Variants in CLSTN2 observed in about 807,000 individuals in gnomAD.
CLSTN2 encodes calsyntenin 2, also known as calsyntenin-2.
A neutral mutation model predicts 101.2 loss-of-function variants in CLSTN2; 48 were observed. The observed-to-expected ratio is 0.47, with a 90% CI of 0.38 to 0.60. The LOEUF is 0.60. Among genes scored for constraint, CLSTN2 ranks in the 20% least tolerant of loss-of-function variants. The probability of loss-of-function intolerance (pLI) is 0.00; values close to 1 mark genes in which losing one functional copy is unlikely to be tolerated. For synonymous variants in CLSTN2, 481 were observed against 463.6 expected (o/e 1.04, Z -0.48); for missense variants, 1,160 against 1,238.2 (o/e 0.94, Z 0.95).
At chr3:139,982,571 T>C (rs924394272) in intron 1 of CLSTN2, among the ~76,000 whole-genome samples, 5 of 152,188 alleles carry the variant, frequency 3.3e-5, no homozygotes, top group South Asian at 2.1e-4. Flanking sequence ...GAGAAAGCGA[T>C]GTATGGCAAC....
At chr3:140,239,768 A>G (rs1250612363) in intron 2 of CLSTN2, among the ~76,000 whole-genome samples, 2 of 152,154 alleles carry the variant, frequency 1.3e-5, no homozygotes, top group East Asian at 1.9e-4. Flanking sequence ...CGTCATGACT[A>G]TAGCCAGGCC....
chr3:140,365,186 G>A lies in CLSTN2; in HGVS notation c.233-38443G>A, dbSNP rs370008860. 2.9e-4 allele frequency among the ~76,000 whole-genome samples: 44 copies of A among 152,190 alleles called. No individual in the cohort carries two copies. The South Asian group carries it at 7.5e-3, about 26-fold the overall frequency. On this transcript the variant is annotated intron_variant, in intron 2 of 16. Coordinates refer to ENST00000458420, the MANE Select transcript of CLSTN2 (RefSeq NM_022131.3). Reference sequence around the variant, plus strand: ...TAGGGAGAGCAAGGAAATTGCTGCCGGACTAATATTTCATGGAAGGAACTA... The same window carrying A: ...TAGGGAGAGCAAGGAAATTGCTGCCAGACTAATATTTCATGGAAGGAACTA...
At chr3:140,565,842 T>C (rs951020420) in intron 16 of CLSTN2, among the ~76,000 whole-genome samples, 1 of 152,254 alleles carries the variant, frequency 6.6e-6, no homozygotes, top group East Asian at 1.9e-4. Flanking sequence ...TGGAATTTGC[T>C]ATTTCAGGCT....
intron 8 of CLSTN2, among the ~76,000 whole-genome samples, chr3:140,513,055 G>A (rs890479221): frequency 6.6e-6 from 1 of 152,184 alleles, no homozygotes; most frequent in Non-Finnish European, 1.5e-5. Context: ...CATGTCATCT[G>A]CAAGCAAAGA....
intron 1 of CLSTN2, among the ~76,000 whole-genome samples, chr3:140,140,705 T>C (rs1223302242): frequency 6.6e-6 from 1 of 152,212 alleles, no homozygotes; most frequent in Non-Finnish European, 1.5e-5. Context: ...AAATAGTTTG[T>C]TGTTTTATTT....
chr3:140,498,506 C>G (rs1172405314), intron 8 of CLSTN2, among the ~76,000 whole-genome samples: 2 of 152,170 alleles, frequency 1.3e-5, no homozygotes, highest in East Asian at 3.8e-4. Flanking sequence ...CAGAGGGGAG[C>G]CCAGAGACAT....
chr3:140,085,842 G>T (rs1175300675), intron 1 of CLSTN2, among the ~76,000 whole-genome samples: 1 of 152,116 alleles, frequency 6.6e-6, no homozygotes, highest in African/African-American at 2.4e-5. Context: ...CAAAACTATG[G>T]TGTGACATAG....
chr3:140,260,534 G>A (rs1412982510), intron 2 of CLSTN2, among the ~76,000 whole-genome samples: 1 of 150,898 alleles, frequency 6.6e-6, no homozygotes, highest in Non-Finnish European at 1.5e-5. Flanking sequence ...AAATTACATT[G>A]ATTTAGACTT....
intron 1 of CLSTN2, among the ~76,000 whole-genome samples, chr3:140,097,258 G>A (rs935682685): frequency 2.0e-5 from 3 of 152,154 alleles, no homozygotes; most frequent in Non-Finnish European, 2.9e-5. Flanking sequence ...GAAGATCACA[G>A]AATGGAAGTA....
chr3:140,511,103 AG>A (rs1934804736), intron 8 of CLSTN2, among the ~76,000 whole-genome samples: 1 of 152,192 alleles, frequency 6.6e-6, no homozygotes, highest in Non-Finnish European at 1.5e-5. Context: ...CTTATAAGTG[AG>A]AACATGTGGT....
At chr3:139,967,848 G>A (rs560993403) in intron 1 of CLSTN2, among the ~76,000 whole-genome samples, 2 of 152,224 alleles carry the variant, frequency 1.3e-5, no homozygotes, top group Non-Finnish European at 2.9e-5. Context: ...TAAACATGAT[G>A]TGCAGGCAGA....
At chr3:139,940,469 G>T (rs569582490) in intron 1 of CLSTN2, among the ~76,000 whole-genome samples, 2 of 152,094 alleles carry the variant, frequency 1.3e-5, no homozygotes, top group Non-Finnish European at 2.9e-5. Context: ...CATGTAAAAT[G>T]CACTAAATAT....
intron 2 of CLSTN2, among the ~76,000 whole-genome samples, chr3:140,294,555 C>T (rs572634188): frequency 6.6e-6 from 1 of 151,746 alleles, no homozygotes; most frequent in South Asian, 2.1e-4. Context: ...TATATGGCCT[C>T]CCCAATGTCT....
chr3:140,113,995 G>A (rs1401616589), intron 1 of CLSTN2, among the ~76,000 whole-genome samples: 1 of 152,146 alleles, frequency 6.6e-6, no homozygotes, highest in African/African-American at 2.4e-5. Context: ...ACAGAGAACT[G>A]GCAAGCTCTG....
At chr3:140,372,111 T>C (rs1439677713) in intron 2 of CLSTN2, among the ~76,000 whole-genome samples, 3 of 152,188 alleles carry the variant, frequency 2.0e-5, no homozygotes, top group African/African-American at 7.2e-5. Flanking sequence ...CTTTGTCTAC[T>C]GTTGCCCTGC....
intron 8 of CLSTN2, among the ~76,000 whole-genome samples, chr3:140,490,074 G>A (rs1405395587): frequency 0.44 from 272 of 622 alleles, 69 homozygotes; most frequent in East Asian, 0.9. Context: ...GTGTGTGTGT[G>A]TGTGTGTGTG....
chr3:140,546,862 AT>A (rs1314733588), intron 10 of CLSTN2, among the ~76,000 whole-genome samples, 181 bp downstream of exon 10: 2 of 152,112 alleles, frequency 1.3e-5, no homozygotes, highest in Admixed American at 1.3e-4. Context: ...GACTTCCACA[AT>A]GGGCTTCTGC....
intron 2 of CLSTN2, among the ~76,000 whole-genome samples, chr3:140,298,203 C>CCAAA (rs1324731034): frequency 6.6e-5 from 10 of 152,188 alleles, no homozygotes; most frequent in African/African-American, 2.4e-4. Flanking sequence ...TGTATACTAG[C>CCAAA]TGTGTGATTT....
intron 4 of CLSTN2, among the ~76,000 whole-genome samples, chr3:140,415,156 C>A (rs2088413904): frequency 6.6e-6 from 1 of 151,356 alleles, no homozygotes; most frequent in African/African-American, 2.4e-5. Flanking sequence ...CAAAATTGGA[C>A]CCTTCTGTTA....
Sources: gnomAD v4.1 joint callset for allele counts (sites outside exome capture counted in the v4.1 genomes callset) on GRCh38, gnomAD v4.1.1 for gene constraint, MANE v1.5 for transcripts, NCBI Gene and HGNC (gene_info 2026-07-23, HGNC 2026-07-21) for gene names.